HDAC9: variants seen among roughly 807,000 people sequenced by gnomAD.
The protein encoded by HDAC9 is histone deacetylase 9.
HDAC9 carries 41 observed loss-of-function variants against 139.4 expected under a neutral mutation model. The observed-to-expected ratio is 0.29, with a 90% CI of 0.23 to 0.38. HDAC9 has a LOEUF of 0.38. Ranked by LOEUF, HDAC9 falls within the 10% of genes least tolerant of loss-of-function variation. HDAC9 has a pLI of 1.00. For missense variants in HDAC9, 1,147 were observed against 1,297.0 expected, an observed-to-expected ratio of 0.88 and a Z score of 1.78; for synonymous variants, 517 against 476.2, an observed-to-expected ratio of 1.09 and a Z score of -1.12.
intron 1 of HDAC9, among the ~76,000 whole-genome samples, chr7:18,148,390 C>T (rs1235692555): frequency 6.6e-6 from 1 of 152,142 alleles, no homozygotes; most frequent in African/African-American, 2.4e-5. Context: ...ACTGCTGCAT[C>T]GACTATTATT....
At chr7:18,150,077 G>T (rs1461676711) in intron 1 of HDAC9, among the ~76,000 whole-genome samples, 3 of 142,844 alleles carry the variant, frequency 2.1e-5, no homozygotes, top group South Asian at 2.2e-4. Flanking sequence ...CTTTATTAGG[G>T]TTTTTTTTTT....
intron 12 of HDAC9, among the ~76,000 whole-genome samples, chr7:18,690,490 C>T (rs113292481): frequency 0.021 from 3,212 of 151,972 alleles, 34 homozygotes; most frequent in South Asian, 0.039. Context: ...ACAATCCCTG[C>T]CAGACATTTC....
At chr7:18,125,624 CAG>C (rs1784617621) in intron 1 of HDAC9, among the ~76,000 whole-genome samples, 1 of 151,960 alleles carries the variant, frequency 6.6e-6, no homozygotes, top group Non-Finnish European at 1.5e-5. Flanking sequence ...TTATCTATCT[CAG>C]GGGTCGGCAT....
intron 1 of HDAC9, among the ~76,000 whole-genome samples, chr7:18,460,523 G>C (rs896271879): frequency 3.3e-5 from 5 of 151,978 alleles, no homozygotes; most frequent in African/African-American, 9.7e-5. Context: ...AGTGGTTCAC[G>C]CCTGTAATCC....
chr7:18,412,120 G>C (rs554010815), intron 1 of HDAC9, among the ~76,000 whole-genome samples: 2 of 152,016 alleles, frequency 1.3e-5, no homozygotes, highest in Admixed American at 1.3e-4. Flanking sequence ...GAGCCACTGC[G>C]CCCAGCCTCA....
intron 1 of HDAC9, among the ~76,000 whole-genome samples, chr7:18,443,434 G>A (rs531352632): frequency 3.3e-5 from 5 of 152,224 alleles, no homozygotes; most frequent in African/African-American, 1.2e-4. Flanking sequence ...GAACACACAT[G>A]CACCTCATAA....
intron 19 of HDAC9, among the ~76,000 whole-genome samples, chr7:18,829,920 T>C (rs1363708414): frequency 1.7e-5 from 2 of 118,254 alleles, no homozygotes; most frequent in East Asian, 2.5e-4. Flanking sequence ...TGGTAACCAA[T>C]TGGCCACTTC....
At chr7:18,923,042 A>T (rs1348420938) in intron 22 of HDAC9, among the ~76,000 whole-genome samples, 1 of 152,044 alleles carries the variant, frequency 6.6e-6, no homozygotes, top group Admixed American at 6.6e-5. Flanking sequence ...TAAAAGCTTT[A>T]TTCCTTTAAT....
intron 21 of HDAC9, among the ~76,000 whole-genome samples, chr7:18,855,018 T>C (rs1797572736): frequency 6.6e-6 from 1 of 152,060 alleles, no homozygotes; most frequent in African/African-American, 2.4e-5. Flanking sequence ...AATGGGAAAA[T>C]GGATGCAATT....
intron 1 of HDAC9, among the ~76,000 whole-genome samples, chr7:18,469,833 C>T (rs764770126): frequency 1.3e-5 from 2 of 152,012 alleles, no homozygotes; most frequent in South Asian, 2.1e-4. Context: ...ATAGAAACAA[C>T]GAATCATAGG....
chr7:18,382,333 C>A (rs1048978730), intron 1 of HDAC9, among the ~76,000 whole-genome samples: 26 of 152,306 alleles, frequency 1.7e-4, no homozygotes, highest in African/African-American at 5.1e-4. Flanking sequence ...AAAGTTGCCA[C>A]CTCCACCATG....
chr7:18,172,041 C>G (rs1324293981), intron 2 of HDAC9, among the ~76,000 whole-genome samples: 1 of 152,100 alleles, frequency 6.6e-6, no homozygotes, highest in Admixed American at 6.5e-5. Flanking sequence ...CTTTGTACTT[C>G]TGGTAGAATT....
chr7:18,730,398 T>C (rs1432980997), intron 13 of HDAC9, among the ~76,000 whole-genome samples: 2 of 152,234 alleles, frequency 1.3e-5, no homozygotes, highest in Non-Finnish European at 2.9e-5. Flanking sequence ...ATTGAAAATA[T>C]ATCTTTTAAG....
At chr7:18,739,676 G>T (rs1445500336) in intron 13 of HDAC9, among the ~76,000 whole-genome samples, 1 of 152,190 alleles carries the variant, frequency 6.6e-6, no homozygotes, top group Admixed American at 6.5e-5. Flanking sequence ...TGAGGTGTCT[G>T]TCGGTCCCTA....
At chr7:18,700,866 TTC>T (rs1237296628) in intron 12 of HDAC9, among the ~76,000 whole-genome samples, 2 of 152,158 alleles carry the variant, frequency 1.3e-5, no homozygotes, top group Non-Finnish European at 2.9e-5. Flanking sequence ...AAGTGTCTGC[TTC>T]TGTTACTCCT....
At chr7:18,443,940 G>GTATGTATGTATATA (rs1266023991) in intron 1 of HDAC9, among the ~76,000 whole-genome samples, 1 of 140,754 alleles carries the variant, frequency 7.1e-6, no homozygotes, top group East Asian at 2.1e-4. Context: ...GTATATATAT[G>GTATGTATGTATATA]TATGTATGTA....
chr7:18,820,879 C>G (rs948189323), intron 17 of HDAC9, among the ~76,000 whole-genome samples: 13 of 152,156 alleles, frequency 8.5e-5, no homozygotes, highest in African/African-American at 2.9e-4. Context: ...GTTGGCAAAT[C>G]TCTAAGGGCA....
chr7:18,359,688 A>G (rs543920557), intron 1 of HDAC9, among the ~76,000 whole-genome samples: 4 of 152,088 alleles, frequency 2.6e-5, no homozygotes, highest in Non-Finnish European at 5.9e-5. Context: ...AGCTCACTGT[A>G]ACCTCTGCCT....
intron 22 of HDAC9, among the ~76,000 whole-genome samples, chr7:18,916,810 CAAAGA>C (rs1448762869): frequency 1.3e-5 from 2 of 151,544 alleles, no homozygotes; most frequent in Non-Finnish European, 2.9e-5. Context: ...CATGTCTTCG[CAAAGA>C]AAAGCAGAGA....
Sources: allele counts gnomAD v4.1 joint callset (sites outside exome capture counted in the v4.1 genomes callset), GRCh38; gene constraint gnomAD v4.1.1; transcripts MANE v1.5; gene names NCBI Gene and HGNC (gene_info 2026-07-23, HGNC 2026-07-21).